Variants in TRIM21 observed in about 807,000 individuals in gnomAD.
The protein encoded by TRIM21 is tripartite motif containing 21.
In TRIM21, 35 loss-of-function variants were observed where a neutral mutation model predicts 36.1. The ratio of observed to expected loss-of-function variants is 0.97; its 90% CI spans 0.74 to 1.28. TRIM21 has a LOEUF of 1.28. Among genes scored for constraint, TRIM21 ranks in the 50% most tolerant of loss-of-function variants. TRIM21 has a pLI of 0.00. For synonymous variants in TRIM21, 256 were observed against 211.5 expected (o/e 1.21, Z -1.83); for missense variants, 635 against 570.7 (o/e 1.11, Z -1.15).
At chr11:4,389,151 CCT>C (rs2094959858) in intron 3 of TRIM21, among the ~76,000 whole-genome samples, 1 of 152,176 alleles carries the variant, frequency 6.6e-6, no homozygotes, top group South Asian at 2.1e-4. Context: ...ACATGCCCCA[CCT>C]CTCCTAGGAA....
intron 1 of TRIM21, among the ~76,000 whole-genome samples, chr11:4,392,069 A>C (rs2094963654): frequency 6.6e-6 from 1 of 152,096 alleles, no homozygotes; most frequent in African/African-American, 2.4e-5. Flanking sequence ...TAAAAATAAG[A>C]GTATAATTGC....
intron 3 of TRIM21, among the ~76,000 whole-genome samples, chr11:4,389,198 A>G (rs533135305): frequency 1.3e-5 from 2 of 152,204 alleles, no homozygotes; most frequent in Non-Finnish European, 2.9e-5. Context: ...ATTCTTCATT[A>G]TATTTTGGAC....
rs368467083 is a variant in TRIM21, at chr11:4,385,771, G to T, written c.942C>A (p.Thr314=). 1 of 1,613,406 alleles carries T rather than the reference G, an allele frequency of 6.2e-7. No individual in the cohort carries two copies. The highest frequency in any genetic ancestry group is 8.5e-7 in the Non-Finnish European group (1 of 1,179,770). ...CTTCATTTCCAGGTATGCTCTGCTG[G>T]GTGTCTCCAAGCCTCACTTGTCTCC... ...EDRRQVRLGD[T]QQSIPGNEER... is the part of the protein sequence containing the mutation. The change falls in exon 7 of 7, where the codon ACC becomes ACA. Residue 314 remains threonine, a synonymous_variant. Transcript: ENST00000254436.
At position 4,385,553 on chromosome 11, in the gene TRIM21, T is replaced by C; in HGVS notation, c.1160A>G (p.Lys387Arg). 1.2e-6 allele frequency: 2 copies of C among 1,612,460 alleles called. No homozygotes were observed. The highest frequency in any genetic ancestry group is 1.7e-6 in the Non-Finnish European group (2 of 1,179,262). Residue 387 changes from lysine to arginine, a missense_variant, in exon 7 of 7, where the codon AAA becomes AGA. By Grantham distance (26) the Lys-to-Arg change is conservative. Coordinates refer to ENST00000254436, the MANE Select transcript of TRIM21 (RefSeq NM_003141.4). Reference sequence around the variant, plus strand: ...CTGGGGGTAGGTGCCAGCCTCATATTTTTGTTTGTTCCACAACCAAATTGT... The same window carrying C: ...CTGGGGGTAGGTGCCAGCCTCATATCTTTGTTTGTTCCACAACCAAATTGT... ...FWTIWLWNKQ[K>R]YEAGTYPQTP...
rs374402312 is a variant in TRIM21 at position 4,385,758 on chromosome 11, G to C, written c.955C>G (p.Pro319Ala). The C allele has an allele frequency of 6.2e-7, 1 of 1,613,424 alleles. No homozygotes were observed. The highest frequency in any genetic ancestry group is 8.5e-7 in the Non-Finnish European group (1 of 1,179,766). The stretch of plus-strand genomic sequence containing the variant: ...CTATCAAATCTCTCTTCATTTCCAG[G>C]TATGCTCTGCTGGGTGTCTCCAAGC... Reference protein sequence around the residue: ...VRLGDTQQSIPGNEERFDSYP... With the variant: ...VRLGDTQQSIAGNEERFDSYP... The change falls in exon 7 of 7, where the codon CCT (proline) becomes GCT (alanine). Residue 319 changes from proline to alanine, a missense_variant. Pro to Ala is a conservative substitution (Grantham distance 27). Transcript: ENST00000254436.
At chr11:4,388,278 A>AG (rs774180491) in intron 4 of TRIM21, 22 bp downstream of exon 4, 285 of 1,587,780 alleles carry the variant, frequency 1.8e-4, no homozygotes, top group Non-Finnish European at 2.2e-4. Context: ...GAATTGTAGA[A>AG]GGAAACCCCT....
Position 4,388,381 on chromosome 11 carries a change from C to T in TRIM21, c.654G>A (p.Leu218=), listed in dbSNP as rs1415385643. Residue 218 remains leucine (L), a synonymous_variant, in exon 4 of 7, where the codon CTG becomes CTA. Coordinates refer to ENST00000254436, the MANE Select transcript of TRIM21 (RefSeq NM_003141.4). ...LRILGEKEAK[L]AQQSQALQEL... ...CCTGTAGGGCCTGGCTCTGCTGGGC[C>T]AGCTTGGCCTCTTTCTCCCCCAGGA... 1 of 1,613,984 alleles carries T rather than the reference C, an allele frequency of 6.2e-7. No homozygotes were observed. Among genetic ancestry groups the T allele is most frequent in the South Asian group, 1.1e-5 (1 of 91,090 alleles).
rs147379347 is a variant in TRIM21, at chr11:4,390,537, C to G, written c.-49-79G>C. On this transcript the variant is annotated intron_variant, in intron 1 of 6. Transcript: ENST00000254436. ...AACAAAAAGTCAACATAATCCCTAT[C>G]AAAATACCAATGACATTCTTCACAA... is the stretch of plus-strand genomic sequence containing the variant. 8.1e-4 allele frequency: 685 copies of G among 845,606 alleles called. 3 individuals carry two copies. In the East Asian group the frequency reaches 0.014, roughly 17 times the overall value. 52.4% of individuals were successfully genotyped at this position (845,606 alleles called of 1,614,324 possible). A position where few individuals can be genotyped will look rare whatever the true frequency, so the allele number is the denominator to read the frequency against.
chr11:4,388,642 T>C, intron 3 of TRIM21, 112 bp from the exon 4 acceptor site: 2 of 1,023,664 alleles, frequency 2.0e-6, no homozygotes, highest in East Asian at 2.4e-5. Context: ...CTGTGCTGTC[T>C]GGGAAAACAC....
At chr11:4,388,910 C>T (rs2094959609) in intron 3 of TRIM21, among the ~76,000 whole-genome samples, 1 of 152,302 alleles carries the variant, frequency 6.6e-6, no homozygotes, top group Non-Finnish European at 1.5e-5. Flanking sequence ...CCTGTTCCCA[C>T]CTCCAACAAC....
At chr11:4,386,051 C>A in intron 6 of TRIM21, 106 bp downstream of exon 6, 2 of 1,193,340 alleles carry the variant, frequency 1.7e-6, no homozygotes, top group Non-Finnish European at 2.4e-6. Flanking sequence ...TCTCTGTTCC[C>A]CCTGCTCTGA....
intron 3 of TRIM21, 44 bp downstream of exon 3, chr11:4,389,610 C>T (rs776517175): frequency 6.4e-6 from 10 of 1,558,390 alleles, no homozygotes; most frequent in Non-Finnish European, 8.0e-6. Context: ...CTGGACCCTG[C>T]CCAGCCTTCC....
At chr11:4,393,486 G>A (rs2094965644) in intron 1 of TRIM21, 147 bp downstream of exon 1, 1 of 152,650 alleles carries the variant, frequency 6.6e-6, no homozygotes, top group South Asian at 2.1e-4. Context: ...AGCGCAGCTG[G>A]TCTTGGGTTG....
At chr11:4,392,860 A>G (rs2094964624) in intron 1 of TRIM21, among the ~76,000 whole-genome samples, 1 of 152,182 alleles carries the variant, frequency 6.6e-6, no homozygotes, top group South Asian at 2.1e-4. Context: ...CCTGTCGGGT[A>G]CCAACAGGCC....
chr11:4,390,478 G>A lies in TRIM21; in HGVS notation c.-49-20C>T. The A allele has an allele frequency of 1.8e-5, 27 of 1,468,586 alleles. No individual in the cohort carries two copies. In the South Asian group the frequency reaches 3.3e-4, roughly 18 times the overall value. The allele number at this position is 1,468,586 out of a possible 1,614,324, so 91.0% of individuals were successfully genotyped here. ...GTTTGGCTGGGAGAGAAGAAGAAAG[G>A]GAAAAGAGAATATGAGAAAGTCTGT... On this transcript the variant is annotated intron_variant, in intron 1 of 6. Coordinates refer to ENST00000254436, the MANE Select transcript of TRIM21 (RefSeq NM_003141.4).
chr11:4,386,504 T>G (rs1202025456), intron 5 of TRIM21, among the ~76,000 whole-genome samples: 2 of 152,166 alleles, frequency 1.3e-5, no homozygotes, highest in Non-Finnish European at 2.9e-5. Flanking sequence ...AAGCCTGAGG[T>G]CACCTGGCAA....
Position 4,388,426 on chromosome 11 carries a change from A to G in TRIM21, c.609T>C (p.Asp203=), listed in dbSNP as rs1488991136. Reference sequence around the variant, plus strand: ...CCAGGATTCTCAGCTGCTCCCTCTCATCCTTCTCCAGCTCCTGCAGCTGCC... The same window carrying G: ...CCAGGATTCTCAGCTGCTCCCTCTCGTCCTTCTCCAGCTCCTGCAGCTGCC... ...EQRQLQELEK[D]EREQLRILGE... The change falls in exon 4 of 7, where the codon GAT becomes GAC. Residue 203 remains aspartate, a synonymous_variant. Coordinates refer to ENST00000254436, the MANE Select transcript of TRIM21 (RefSeq NM_003141.4). 1.2e-6 allele frequency: 2 copies of G among 1,613,820 alleles called. No individual in the cohort carries two copies. The highest frequency in any genetic ancestry group is 2.2e-5 in the East Asian group (1 of 44,842).
At chr11:4,387,217 G>A (rs972762700) in intron 4 of TRIM21, among the ~76,000 whole-genome samples, 1 of 151,384 alleles carries the variant, frequency 6.6e-6, no homozygotes, top group African/African-American at 2.4e-5. Context: ...GCTAGGGAAG[G>A]GTTATCAGTT....
Position 4,390,283 on chromosome 11 carries a change from C to A in TRIM21, c.127G>T (p.Val43Phe). 1 of 1,613,988 alleles carries A rather than the reference C, an allele frequency of 6.2e-7. No homozygotes were observed. Among genetic ancestry groups the A allele is most frequent in the Non-Finnish European group, 8.5e-7 (1 of 1,179,894 alleles). Residue 43 changes from valine to phenylalanine, a missense_variant, in exon 2 of 7, where the codon GTT (valine) becomes TTT (phenylalanine). Physicochemically the swap from Val to Phe is conservative, Grantham distance 50. Transcript: ENST00000254436. ...CAGACGCTGCCCCCACCTTTCCCAA[C>A]CTGAGAGATGCATTCCTGGCAGAAG... ...HSFCQECISQ[V>F]GKGGGSVCPV...
Sources: gnomAD v4.1 joint callset for allele counts (sites outside exome capture counted in the v4.1 genomes callset) on GRCh38, gnomAD v4.1.1 for gene constraint, MANE v1.5 for transcripts, NCBI Gene and HGNC (gene_info 2026-07-23, HGNC 2026-07-21) for gene names.